Variants in GTF2IRD1 observed in about 807,000 individuals in gnomAD.
GTF2IRD1 encodes general transcription factor II-I repeat domain-containing protein 1.
Under a neutral mutation model 113.2 loss-of-function variants are expected in GTF2IRD1, and 26 were observed. The ratio of observed to expected loss-of-function variants is 0.23; its 90% CI spans 0.17 to 0.32. The LOEUF (loss-of-function observed/expected upper bound fraction) is 0.32, where lower values mean the gene tolerates loss of function less well. Among genes scored for constraint, GTF2IRD1 ranks in the 10% least tolerant of loss-of-function variants. GTF2IRD1 has a pLI of 1.00. For synonymous variants in GTF2IRD1, 484 were observed against 529.1 expected, an observed-to-expected ratio of 0.91 and a Z score of 1.17; for missense variants, 864 against 1,280.8, an observed-to-expected ratio of 0.67 and a Z score of 4.97.
chr7:74,530,859 C>T (rs1797926454), intron 9 of GTF2IRD1, among the ~76,000 whole-genome samples: 1 of 152,134 alleles, frequency 6.6e-6, no homozygotes, highest in African/African-American at 2.4e-5. Flanking sequence ...TTTACATAAA[C>T]CAGGCCTGAT....
intron 16 of GTF2IRD1, among the ~76,000 whole-genome samples, chr7:74,546,203 A>C (rs12535276): frequency 0.27 from 40,352 of 146,806 alleles, 5,651 homozygotes; most frequent in East Asian, 0.49. Flanking sequence ...AGGCTAGGTG[A>C]TTCCCCATGT....
chr7:74,487,870 T>C (rs1206401167), intron 1 of GTF2IRD1, among the ~76,000 whole-genome samples: 5 of 152,224 alleles, frequency 3.3e-5, no homozygotes, highest in Non-Finnish European at 5.9e-5. Flanking sequence ...TTACTTATAT[T>C]TTAATCTTTT....
At position 74,555,326 on chromosome 7, in the gene GTF2IRD1, C is replaced by T; in HGVS notation, c.1966+103C>T. ...CTGCTGCCTCTGTCCTGCTCCCATC[C>T]TGGCCCTGGCATTCTCCCCACACCC... On this transcript the variant is annotated intron_variant, in intron 18 of 26. Transcript: ENST00000424337. The surrounding 1 kb of genome is among the most constrained non-coding windows in gnomAD (Gnocchi z 5.3). The T allele has an allele frequency of 6.8e-7, 1 of 1,461,928 alleles. No homozygotes were observed. The highest frequency in any genetic ancestry group is 2.3e-5 in the East Asian group (1 of 43,950). The allele number at this position is 1,461,928 out of a possible 1,614,324, so 90.6% of individuals were successfully genotyped here.
chr7:74,577,095 T>G (rs1554364787), intron 22 of GTF2IRD1, among the ~76,000 whole-genome samples: 13 of 152,104 alleles, frequency 8.5e-5, no homozygotes. Flanking sequence ...TGGAGTGCAG[T>G]GGCGCAATCT....
chr7:74,598,364 G>A (rs1802547876), intron 25 of GTF2IRD1, among the ~76,000 whole-genome samples: 2 of 152,076 alleles, frequency 1.3e-5, no homozygotes, highest in African/African-American at 2.4e-5. Context: ...ACTTTGGGAG[G>A]CTGAGGCAGG....
chr7:74,544,108 T>C (rs1798788158), intron 14 of GTF2IRD1, among the ~76,000 whole-genome samples: 1 of 152,142 alleles, frequency 6.6e-6, no homozygotes, highest in South Asian at 2.1e-4. Context: ...TCCTTTTGTA[T>C]GTTTTTATCT....
chr7:74,545,455 C>T (rs1554352995), intron 15 of GTF2IRD1, among the ~76,000 whole-genome samples: 1 of 152,154 alleles, frequency 6.6e-6, no homozygotes, highest in Non-Finnish European at 1.5e-5. Flanking sequence ...TACACTCAGT[C>T]ACATACCTAG....
At chr7:74,474,511 G>T (rs782429959) in intron 1 of GTF2IRD1, among the ~76,000 whole-genome samples, 2 of 152,204 alleles carry the variant, frequency 1.3e-5, no homozygotes, top group Non-Finnish European at 2.9e-5. Context: ...TGCCTGGGGG[G>T]CTGTGCAGGG....
At chr7:74,477,799 C>T (rs1327672779) in intron 1 of GTF2IRD1, among the ~76,000 whole-genome samples, 2 of 152,172 alleles carry the variant, frequency 1.3e-5, no homozygotes, top group African/African-American at 4.8e-5. Context: ...GAGCCAGCGC[C>T]CCAGGATTAG....
intron 14 of GTF2IRD1, among the ~76,000 whole-genome samples, chr7:74,543,131 C>T (rs1487313138): frequency 3.9e-5 from 6 of 151,900 alleles, no homozygotes; most frequent in Non-Finnish European, 7.4e-5. Context: ...GGCGAAACTC[C>T]GTCTCCACTA....
chr7:74,479,036 C>G (rs2117089107), intron 1 of GTF2IRD1, among the ~76,000 whole-genome samples: 1 of 152,216 alleles, frequency 6.6e-6, no homozygotes, highest in Non-Finnish European at 1.5e-5. Context: ...GTCGCCAGCT[C>G]CTGGTCCCAA....
chr7:74,515,669 G>A (rs1345361149), intron 4 of GTF2IRD1, 73 bp downstream of exon 4: 11 of 1,394,504 alleles, frequency 7.9e-6, no homozygotes, highest in African/African-American at 4.3e-5. Context: ...AGCAGAGGGG[G>A]CCCCCTCCTG....
intron 25 of GTF2IRD1, among the ~76,000 whole-genome samples, chr7:74,596,375 G>T (rs1201374031): frequency 1.3e-5 from 2 of 149,842 alleles, no homozygotes; most frequent in African/African-American, 4.9e-5. Context: ...TAGGAGGATC[G>T]CTTGAACCTA....
chr7:74,508,326 C>T (rs1796416862), intron 2 of GTF2IRD1, 123 bp downstream of exon 2: 2 of 1,043,540 alleles, frequency 1.9e-6, no homozygotes, highest in East Asian at 4.9e-5. Flanking sequence ...GTTTATCTGA[C>T]TGCAGCTAGG....
intron 1 of GTF2IRD1, among the ~76,000 whole-genome samples, chr7:74,457,476 C>G (rs1399541274): frequency 6.6e-6 from 1 of 152,054 alleles, no homozygotes; most frequent in Non-Finnish European, 1.5e-5. Flanking sequence ...GCTAAGCAGA[C>G]TCTCTCCTAT....
intron 25 of GTF2IRD1, among the ~76,000 whole-genome samples, chr7:74,600,198 G>A (rs1293712909): frequency 1.3e-5 from 2 of 152,144 alleles, no homozygotes; most frequent in African/African-American, 4.8e-5. Context: ...GGGAAGCTGA[G>A]GCAGGAGGAT....
intron 1 of GTF2IRD1, among the ~76,000 whole-genome samples, chr7:74,491,287 CAG>C (rs1235143472): frequency 7.0e-6 from 1 of 143,490 alleles, no homozygotes; most frequent in Non-Finnish European, 1.5e-5. Context: ...GCCTGGGTGA[CAG>C]AGTGAGGGAG....
chr7:74,519,296 C>T (rs774366322), intron 5 of GTF2IRD1, 113 bp from the exon 6 acceptor site: 22 of 674,302 alleles, frequency 3.3e-5, no homozygotes, highest in Non-Finnish European at 5.1e-5. Context: ...TCCTGCCCTC[C>T]TCATGGGGCT....
At chr7:74,521,659 G>A (rs748986373) in intron 7 of GTF2IRD1, among the ~76,000 whole-genome samples, 2 of 152,156 alleles carry the variant, frequency 1.3e-5, no homozygotes, top group Non-Finnish European at 2.9e-5. Context: ...CTACTTGGGA[G>A]ACTGTGGTGG....
Sources: allele counts gnomAD v4.1 joint callset (sites outside exome capture counted in the v4.1 genomes callset), GRCh38; gene constraint gnomAD v4.1.1; non-coding constraint Gnocchi (gnomAD v3.1); transcripts MANE v1.5; gene names NCBI Gene and HGNC (gene_info 2026-07-23, HGNC 2026-07-21).